Variants in NAV1 observed in about 807,000 individuals in gnomAD.
NAV1 encodes neuron navigator 1, also known as pore membrane and/or filament interacting like protein 3.
In NAV1, 18 loss-of-function variants were observed where a neutral mutation model predicts 175.2. The ratio of observed to expected loss-of-function variants is 0.10; its 90% confidence interval spans 0.07 to 0.15. The LOEUF is 0.15. Ranked by LOEUF, NAV1 falls within the 10% of genes least tolerant of loss-of-function variation. The pLI is 1.00. For missense variants in NAV1, 1,731 were observed against 2,436.6 expected, an observed-to-expected ratio of 0.71 and a Z score of 6.10; for synonymous variants, 897 against 978.7, an observed-to-expected ratio of 0.92 and a Z score of 1.56.
intron 3 of NAV1, among the ~76,000 whole-genome samples, chr1:201,770,469 T>C (rs921606706): frequency 6.6e-6 from 1 of 152,212 alleles, no homozygotes; most frequent in Non-Finnish European, 1.5e-5. Context: ...GGGAATCGTA[T>C]AGTGTCCTAC....
intron 3 of NAV1, chr1:201,723,773 A>G (rs562368460): frequency 6.6e-6 from 1 of 152,368 alleles, no homozygotes; most frequent in Non-Finnish European, 1.5e-5. Flanking sequence ...AGCTTATTCC[A>G]TATCATACAG....
chr1:201,590,751 C>G (rs1207643050), intron 2 of NAV1, among the ~76,000 whole-genome samples: 1 of 152,176 alleles, frequency 6.6e-6, no homozygotes, highest in African/African-American at 2.4e-5. Context: ...GGCCTCTTGC[C>G]CGTCTGAGAA....
chr1:201,783,731 C>T, exon 7 of NAV1: 1 of 1,614,196 alleles, frequency 6.2e-7, no homozygotes, highest in East Asian at 2.2e-5. Context: ...AATGAGCCTC[C>T]CCAGTGCCTT....
At chr1:201,710,460 T>C (rs1389524510) in intron 1 of NAV1, among the ~76,000 whole-genome samples, 1 of 152,122 alleles carries the variant, frequency 6.6e-6, no homozygotes. Flanking sequence ...TTTTTTATTT[T>C]TATTTTTTAT....
rs1672257177 is a variant in NAV1, at chr1:201,718,999, C to T, written c.1226+244C>T. On this transcript the variant is annotated intron_variant, in intron 3 of 29. Transcript: ENST00000367296. The surrounding 1 kb of genome is among the most constrained non-coding windows in gnomAD (Gnocchi z 4.8). The stretch of plus-strand genomic sequence containing the variant: ...AGCTGATTGGTCAATGAAGGCGCCT[C>T]CCTCTCATTGGTCTCTGTGGCTGTC... Among the ~76,000 whole-genome samples the T allele has an allele frequency of 6.6e-6, 1 of 151,942 alleles. No individual in the cohort carries two copies. Among genetic ancestry groups the T allele is most frequent in the Non-Finnish European group, 1.5e-5 (1 of 67,976 alleles).
At chr1:201,819,720 A>G (rs906884146) in intron 29 of NAV1, 117 bp from the exon 34 acceptor site, 1 of 797,506 alleles carries the variant, frequency 1.3e-6, no homozygotes, top group Admixed American at 2.3e-5. Flanking sequence ...CCTGGCTTCA[A>G]GCTATCCTTC....
chr1:201,720,783 A>G (rs1672349311), intron 3 of NAV1, among the ~76,000 whole-genome samples: 1 of 152,140 alleles, frequency 6.6e-6, no homozygotes, highest in Non-Finnish European at 1.5e-5. Flanking sequence ...AATGATAGCT[A>G]TTATTTTTGT....
At chr1:201,560,209 A>G (rs1042337423) in intron 1 of NAV1, among the ~76,000 whole-genome samples, 1 of 152,104 alleles carries the variant, frequency 6.6e-6, no homozygotes. Flanking sequence ...GCTTTCTCTC[A>G]TGTAACTTTC....
At chr1:201,681,175 C>T (rs7532520) in intron 1 of NAV1, among the ~76,000 whole-genome samples, 71,366 of 151,966 alleles carry the variant, frequency 0.47, 17,124 homozygotes, top group South Asian at 0.72. Context: ...CCTGATTTCG[C>T]ATCCAGCATT....
chr1:201,772,899 G>C (rs1675682378), intron 3 of NAV1, among the ~76,000 whole-genome samples: 1 of 152,140 alleles, frequency 6.6e-6, no homozygotes, highest in East Asian at 1.9e-4. Flanking sequence ...CGGGCGTGGT[G>C]GCGGGTGCTT....
At chr1:201,702,522 C>T (rs1671469750) in intron 1 of NAV1, among the ~76,000 whole-genome samples, 1 of 152,036 alleles carries the variant, frequency 6.6e-6, no homozygotes, top group Admixed American at 6.5e-5. Context: ...AGGAGTGCAC[C>T]ACCATGCCAA....
chr1:201,555,967 G>A (rs961713587), intron 1 of NAV1, among the ~76,000 whole-genome samples: 2 of 151,988 alleles, frequency 1.3e-5, no homozygotes, highest in African/African-American at 4.8e-5. Context: ...GGCCCAAGAG[G>A]TATTTGAGTT....
At chr1:201,577,929 G>A (rs567606101) in intron 1 of NAV1, among the ~76,000 whole-genome samples, 14 of 152,044 alleles carry the variant, frequency 9.2e-5, no homozygotes, top group Non-Finnish European at 2.1e-4. Flanking sequence ...TTTCAAGATT[G>A]TTTCTTTGTC....
chr1:201,633,810 G>A (rs920919569), intron 2 of NAV1, among the ~76,000 whole-genome samples: 2 of 152,232 alleles, frequency 1.3e-5, no homozygotes, highest in Admixed American at 1.3e-4. Flanking sequence ...AGGGGCAGAT[G>A]ATATTAGCCG....
chr1:201,587,547 A>T (rs1571834053), intron 1 of NAV1, among the ~76,000 whole-genome samples: 1 of 151,630 alleles, frequency 6.6e-6, no homozygotes, highest in Non-Finnish European at 1.5e-5. Flanking sequence ...TTAGCCAGGC[A>T]TGGTGGTGTG....
intron 3 of NAV1, among the ~76,000 whole-genome samples, chr1:201,741,008 G>A (rs934603177): frequency 4.6e-5 from 7 of 152,036 alleles, no homozygotes; most frequent in African/African-American, 1.7e-4. Context: ...TGGGAAGTTG[G>A]AGGTTGGGCC....
chr1:201,718,638 C>T lies in NAV1; in HGVS notation c.1109C>T (p.Ser370Phe), dbSNP rs1558094550. Residue 370 changes from serine (S) to phenylalanine (F), a missense_variant, in exon 3 of 30, where the codon TCC (serine) becomes TTC (phenylalanine). Physicochemically the swap from Ser to Phe is radical, Grantham distance 155. Around this residue, in one of 13 missense-constraint regions of NAV1, gnomAD observed 487 missense variants for 581.3 expected, o/e 0.84. Coordinates refer to ENST00000367296, the Ensembl canonical transcript of NAV1. The surrounding 1 kb of genome is among the most constrained non-coding windows in gnomAD (Gnocchi z 4.8). ...AGCCCCAGCAAGCTCAGCCATATCT[C>T]CCGCCTGGAGCTGGTCGAATCCCTG... 1 of 1,614,202 alleles carries T rather than the reference C, an allele frequency of 6.2e-7. No individual in the cohort carries two copies. Among genetic ancestry groups the T allele is most frequent in the Non-Finnish European group, 8.5e-7 (1 of 1,180,042 alleles).
intron 3 of NAV1, among the ~76,000 whole-genome samples, chr1:201,752,272 A>G (rs999811906): frequency 6.6e-6 from 1 of 152,182 alleles, no homozygotes; most frequent in African/African-American, 2.4e-5. Flanking sequence ...GAGGGTGACA[A>G]CTCAACCTTC....
chr1:201,724,547 C>T (rs941421842), intron 3 of NAV1: 2 of 152,282 alleles, frequency 1.3e-5, no homozygotes, highest in Non-Finnish European at 2.9e-5. Context: ...TGCAGTAACA[C>T]TACTGCCAAG....
Sources: allele counts gnomAD v4.1 joint callset (sites outside exome capture counted in the v4.1 genomes callset), GRCh38; gene constraint gnomAD v4.1.1; regional missense constraint gnomAD v4.1.1; non-coding constraint Gnocchi (gnomAD v3.1); transcripts MANE v1.5; gene names NCBI Gene and HGNC (gene_info 2026-07-23, HGNC 2026-07-21).